The following NEGR1 variants were observed in gnomAD, a reference collection of about 807,000 sequenced individuals.
NEGR1 encodes the protein IgLON family member 4.
Under a neutral mutation model 40.9 loss-of-function variants are expected in NEGR1, and 10 were observed. The ratio of observed to expected loss-of-function variants is 0.24; its 90% confidence interval spans 0.15 to 0.42. NEGR1 has a LOEUF of 0.42. Ranked by LOEUF, NEGR1 falls within the 10% of genes least tolerant of loss-of-function variation. The pLI is 1.00. For synonymous variants in NEGR1, 185 were observed against 166.8 expected (o/e 1.11, Z -0.84); for missense variants, 352 against 438.9 (o/e 0.80, Z 1.77).
chr1:71,630,218 A>C (rs545726585), intron 4 of NEGR1, among the ~76,000 whole-genome samples: 1 of 151,974 alleles, frequency 6.6e-6, no homozygotes, highest in Non-Finnish European at 1.5e-5. Flanking sequence ...TTCAGTTTTA[A>C]TGTAAACTGC....
chr1:71,513,028 A>G (rs907577287), intron 6 of NEGR1, among the ~76,000 whole-genome samples: 2 of 152,222 alleles, frequency 1.3e-5, no homozygotes, highest in Middle Eastern at 3.2e-3. Context: ...ATTATAGTAC[A>G]CTAGTCAATA....
chr1:71,721,026 T>C (rs1254380740), intron 3 of NEGR1, among the ~76,000 whole-genome samples: 1 of 152,184 alleles, frequency 6.6e-6, no homozygotes, highest in African/African-American at 2.4e-5. Flanking sequence ...GTTAATTTAT[T>C]TATAGCATGA....
intron 6 of NEGR1, among the ~76,000 whole-genome samples, chr1:71,431,245 T>G (rs1412827468): frequency 6.6e-6 from 1 of 152,070 alleles, no homozygotes; most frequent in East Asian, 1.9e-4. Flanking sequence ...ATATAAATCA[T>G]AAATTCAGTT....
At chr1:71,435,892 G>A (rs1646505965) in intron 6 of NEGR1, among the ~76,000 whole-genome samples, 1 of 152,156 alleles carries the variant, frequency 6.6e-6, no homozygotes, top group African/African-American at 2.4e-5. Context: ...CAACATGGAA[G>A]GCATCAGAGT....
chr1:72,185,579 T>G (rs184119700), intron 1 of NEGR1, among the ~76,000 whole-genome samples: 236 of 152,060 alleles, frequency 1.6e-3, no homozygotes, highest in African/African-American at 5.5e-3. Context: ...TTCATTGAGA[T>G]GTTACCATGC....
At chr1:72,115,867 C>A (rs1011209752) in intron 1 of NEGR1, among the ~76,000 whole-genome samples, 4 of 151,762 alleles carry the variant, frequency 2.6e-5, no homozygotes, top group Admixed American at 6.6e-5. Flanking sequence ...GGTGCCAAAG[C>A]ACTTCTGATA....
chr1:72,233,990 C>A (rs1322372154), intron 1 of NEGR1, among the ~76,000 whole-genome samples: 2 of 151,980 alleles, frequency 1.3e-5, no homozygotes, highest in South Asian at 2.1e-4. Context: ...AAAAAATTAT[C>A]TTTTATTTTA....
chr1:71,834,288 A>G (rs1442799692), intron 2 of NEGR1, among the ~76,000 whole-genome samples: 1 of 152,060 alleles, frequency 6.6e-6, no homozygotes. Flanking sequence ...CAAATTAAAT[A>G]TTATCCTGGA....
chr1:72,198,494 A>G (rs537831951), intron 1 of NEGR1, among the ~76,000 whole-genome samples: 3 of 148,024 alleles, frequency 2.0e-5, no homozygotes, highest in Admixed American at 1.3e-4. Context: ...TAATGTGTGG[A>G]AAAAAAAATT....
At chr1:72,083,357 A>AT (rs1307050888) in intron 1 of NEGR1, among the ~76,000 whole-genome samples, 1 of 145,644 alleles carries the variant, frequency 6.9e-6, no homozygotes, top group African/African-American at 2.5e-5. Flanking sequence ...AGTCTTTTTC[A>AT]TTTTTTTAGA....
chr1:71,962,595 C>T (rs896450072), intron 1 of NEGR1, among the ~76,000 whole-genome samples: 5 of 151,772 alleles, frequency 3.3e-5, no homozygotes, highest in African/African-American at 7.3e-5. Context: ...ACTTAAGAAT[C>T]CTTTAGAAAT....
chr1:72,174,364 A>G (rs972911521), intron 1 of NEGR1, among the ~76,000 whole-genome samples: 1 of 152,162 alleles, frequency 6.6e-6, no homozygotes, highest in African/African-American at 2.4e-5. Context: ...CATAATTTAT[A>G]TTAGGGCTTT....
intron 1 of NEGR1, among the ~76,000 whole-genome samples, chr1:72,097,511 A>G (rs1463918727): frequency 1.3e-5 from 2 of 152,146 alleles, no homozygotes; most frequent in African/African-American, 2.4e-5. Flanking sequence ...TACCCCCCAA[A>G]ATTTCCTTTT....
chr1:71,605,077 G>T (rs1650035523), intron 5 of NEGR1, among the ~76,000 whole-genome samples: 1 of 152,088 alleles, frequency 6.6e-6, no homozygotes, highest in African/African-American at 2.4e-5. Flanking sequence ...GAATAGGAAA[G>T]AAATGCGGTT....
chr1:71,921,857 G>A (rs1432944190), intron 2 of NEGR1, among the ~76,000 whole-genome samples: 1 of 151,564 alleles, frequency 6.6e-6, no homozygotes, highest in Non-Finnish European at 1.5e-5. Context: ...AAAGTTTTTG[G>A]GGAGTCAAAG....
chr1:71,704,061 T>C (rs1653801263), intron 3 of NEGR1, among the ~76,000 whole-genome samples: 2 of 151,614 alleles, frequency 1.3e-5, no homozygotes. Flanking sequence ...AGAGATAAAA[T>C]ACACATTTTA....
At chr1:71,962,001 T>C (rs999412597) in intron 1 of NEGR1, among the ~76,000 whole-genome samples, 1 of 152,142 alleles carries the variant, frequency 6.6e-6, no homozygotes, top group Admixed American at 6.6e-5. Context: ...AGAGTGGTAT[T>C]TGTATTATTC....
chr1:71,791,339 T>G (rs1414460800), intron 2 of NEGR1, among the ~76,000 whole-genome samples: 1 of 152,118 alleles, frequency 6.6e-6, no homozygotes, highest in African/African-American at 2.4e-5. Context: ...TGTGTTATCT[T>G]GGGTTACTTA....
intron 6 of NEGR1, among the ~76,000 whole-genome samples, chr1:71,527,072 T>A (rs1214572741): frequency 2.6e-5 from 4 of 151,754 alleles, no homozygotes; most frequent in African/African-American, 9.6e-5. Context: ...TAAAGCCATA[T>A]CTGAGTTTGA....
Sources: allele counts gnomAD v4.1 joint callset (sites outside exome capture counted in the v4.1 genomes callset), GRCh38; gene constraint gnomAD v4.1.1; transcripts MANE v1.5; gene names NCBI Gene and HGNC (gene_info 2026-07-23, HGNC 2026-07-21).